TMEM132B: variants seen among roughly 807,000 people sequenced by gnomAD.
TMEM132B encodes the protein transmembrane protein 132B.
A neutral mutation model predicts 90.8 loss-of-function variants in TMEM132B; 18 were observed. That is an observed-to-expected ratio of 0.20 (90% CI 0.14 to 0.29). TMEM132B has a LOEUF of 0.29. Ranked by LOEUF, TMEM132B falls within the 10% of genes least tolerant of loss-of-function variation. The pLI is 1.00. For synonymous variants in TMEM132B, 504 were observed against 523.3 expected, an observed-to-expected ratio of 0.96 and a Z score of 0.50; for missense variants, 1,096 against 1,326.8, an observed-to-expected ratio of 0.83 and a Z score of 2.70.
At chr12:125,388,978 C>A (rs1878926051) in intron 2 of TMEM132B, among the ~76,000 whole-genome samples, 1 of 151,624 alleles carries the variant, frequency 6.6e-6, no homozygotes, top group African/African-American at 2.4e-5. Context: ...CAGCCTTTGT[C>A]TTTCTATTGC....
At chr12:125,386,547 A>G (rs1485707034) in intron 2 of TMEM132B, among the ~76,000 whole-genome samples, 1 of 152,124 alleles carries the variant, frequency 6.6e-6, no homozygotes, top group Non-Finnish European at 1.5e-5. Context: ...TTGCTTTTTC[A>G]CTGGGTTTGT....
chr12:125,526,998 C>T (rs1883483337), intron 4 of TMEM132B, among the ~76,000 whole-genome samples: 1 of 149,778 alleles, frequency 6.7e-6, no homozygotes, highest in Admixed American at 6.6e-5. Context: ...ACCCTTCTAT[C>T]CAATCATTTA....
chr12:125,566,883 G>A lies in TMEM132B; in HGVS notation c.1294-16968G>A, dbSNP rs145941009. The stretch of plus-strand genomic sequence containing the variant: ...TTTTTAGATGGAGTCTTGCACTGTC[G>A]CCCATGCTGGAGTGCAGTGGTGCGG... On this transcript the variant is annotated intron_variant, in intron 4 of 8. Coordinates refer to ENST00000682704, the MANE Select transcript of TMEM132B (RefSeq NM_001366854.1). Among the ~76,000 whole-genome samples the A allele has an allele frequency of 8.0e-3, 926 of 116,188 alleles. 8 individuals carry two copies. The highest frequency in any genetic ancestry group is 0.024 in the African/African-American group (691 of 29,126). 76.2% of individuals were successfully genotyped at this position (116,188 alleles called of 152,430 possible).
Position 125,407,269 on chromosome 12 carries a change from C to A in TMEM132B, c.960-8262C>A, listed in dbSNP as rs1418258564. On this transcript the variant is annotated intron_variant, in intron 2 of 8. Transcript: ENST00000682704. This position sits in a 1 kb window ranked among gnomAD's most constrained non-coding sequence, Gnocchi z 6.7. ...AAAGTTAGTTCTCAGGAGGTGAAGG[C>A]AAAGGCCAGACCTCTCTTCGGGCAA... Among the ~76,000 whole-genome samples, 4 of 152,240 alleles carry A rather than the reference C, an allele frequency of 2.6e-5. No individual in the cohort carries two copies. The highest frequency in any genetic ancestry group is 9.6e-5 in the African/African-American group (4 of 41,460).
At chr12:125,215,932 A>G (rs1873428621) in intron 1 of TMEM132B, among the ~76,000 whole-genome samples, 1 of 152,214 alleles carries the variant, frequency 6.6e-6, no homozygotes, top group Non-Finnish European at 1.5e-5. Flanking sequence ...CACAGTCTCT[A>G]TTGCCAGGAG....
At chr12:125,477,438 G>C (rs1466488608) in intron 3 of TMEM132B, among the ~76,000 whole-genome samples, 1 of 152,102 alleles carries the variant, frequency 6.6e-6, no homozygotes, top group Non-Finnish European at 1.5e-5. Context: ...TAATTCTGAA[G>C]AGTCCTTTAG....
At position 125,244,141 on chromosome 12, in the gene TMEM132B, G is replaced by A. The variant is rs138294132; in HGVS notation, c.67+57275G>A. Among the ~76,000 whole-genome samples, 1,342 of 152,252 alleles carry A rather than the reference G, an allele frequency of 8.8e-3. 20 individuals carry two copies. Among genetic ancestry groups the A allele is most frequent in the African/African-American group, 0.03 (1,240 of 41,544 alleles). ...ATATTCTATTGTATGAATATGCTGC[G>A]TTTTGTGTATTCGTCGGTTGATAGA... On this transcript the variant is annotated intron_variant, in intron 1 of 8. Coordinates refer to ENST00000682704, the MANE Select transcript of TMEM132B (RefSeq NM_001366854.1).
intron 6 of TMEM132B, among the ~76,000 whole-genome samples, chr12:125,648,991 G>A (rs1157818488): frequency 6.6e-6 from 1 of 152,124 alleles, no homozygotes; most frequent in Admixed American, 6.5e-5. Flanking sequence ...GACATTCCCT[G>A]TGACATATTC....
intron 2 of TMEM132B, among the ~76,000 whole-genome samples, chr12:125,385,179 G>T (rs1329341903): frequency 6.6e-6 from 1 of 152,112 alleles, no homozygotes; most frequent in Non-Finnish European, 1.5e-5. Flanking sequence ...AGGCAAGATT[G>T]TTTTCTTTGA....
At chr12:125,475,778 C>T (rs1029393248) in intron 3 of TMEM132B, among the ~76,000 whole-genome samples, 1 of 152,158 alleles carries the variant, frequency 6.6e-6, no homozygotes, top group African/African-American at 2.4e-5. Context: ...TATTAGTTCC[C>T]CTCTAAAGAA....
intron 5 of TMEM132B, among the ~76,000 whole-genome samples, chr12:125,633,430 T>A (rs1026604914): frequency 6.6e-6 from 1 of 152,194 alleles, no homozygotes; most frequent in African/African-American, 2.4e-5. Flanking sequence ...CTCTTGTGCT[T>A]TATTTAGTTT....
rs906851187 is a variant in TMEM132B, at chr12:125,277,886, G to T, written c.68-71566G>T. On this transcript the variant is annotated intron_variant, in intron 1 of 8. Coordinates refer to ENST00000682704, the MANE Select transcript of TMEM132B (RefSeq NM_001366854.1). The surrounding 1 kb of genome is among the most constrained non-coding windows in gnomAD (Gnocchi z 4.3). ...ATTTTTGGCATCTCTAGAAAAATCAGATCTATTCACAGAGGGCCAGCATTC... is the reference window on the plus strand; with the variant it reads ...ATTTTTGGCATCTCTAGAAAAATCATATCTATTCACAGAGGGCCAGCATTC... Among the ~76,000 whole-genome samples, 6 of 152,332 alleles carry T rather than the reference G, an allele frequency of 3.9e-5. No homozygotes were observed. Among genetic ancestry groups the T allele is most frequent in the South Asian group, 4.1e-4 (2 of 4,824 alleles).
intron 5 of TMEM132B, among the ~76,000 whole-genome samples, chr12:125,602,302 G>A (rs1454572200): frequency 6.6e-6 from 1 of 152,132 alleles, no homozygotes; most frequent in Non-Finnish European, 1.5e-5. Flanking sequence ...TGCAAGGCTG[G>A]TTCAACATAT....
intron 4 of TMEM132B, among the ~76,000 whole-genome samples, chr12:125,561,205 A>C (rs1884517979): frequency 6.6e-6 from 1 of 152,218 alleles, no homozygotes; most frequent in Admixed American, 6.5e-5. Flanking sequence ...AAAAAGGATG[A>C]GTTCATGTGC....
At chr12:125,245,156 C>T (rs748206301) in intron 1 of TMEM132B, among the ~76,000 whole-genome samples, 1 of 152,154 alleles carries the variant, frequency 6.6e-6, no homozygotes, top group Non-Finnish European at 1.5e-5. Context: ...GGTTTCCTCT[C>T]GTTTTATTGG....
chr12:125,554,341 C>T (rs544864854), intron 4 of TMEM132B, among the ~76,000 whole-genome samples: 26 of 137,546 alleles, frequency 1.9e-4, no homozygotes, highest in East Asian at 9.3e-4. Context: ...AGGAGAATGG[C>T]GTGAATCTGG....
At chr12:125,414,922 A>G (rs761010964) in intron 2 of TMEM132B, among the ~76,000 whole-genome samples, 71 of 152,290 alleles carry the variant, frequency 4.7e-4, no homozygotes, top group Non-Finnish European at 9.1e-4. Context: ...CCTTTTCTCA[A>G]TGGCAACACA....
chr12:125,256,737 C>CT (rs747797266), intron 1 of TMEM132B, among the ~76,000 whole-genome samples: 23 of 152,266 alleles, frequency 1.5e-4, no homozygotes, highest in South Asian at 6.2e-4. Context: ...ACCGCAATTA[C>CT]TTTTGCACCA....
At chr12:125,483,482 T>C (rs1882114223) in intron 3 of TMEM132B, among the ~76,000 whole-genome samples, 1 of 152,002 alleles carries the variant, frequency 6.6e-6, no homozygotes, top group Non-Finnish European at 1.5e-5. Context: ...AAAAGCAATT[T>C]GGTCTTGTTA....
Sources: allele counts gnomAD v4.1 joint callset (sites outside exome capture counted in the v4.1 genomes callset), GRCh38; gene constraint gnomAD v4.1.1; non-coding constraint Gnocchi (gnomAD v3.1); transcripts MANE v1.5; gene names NCBI Gene and HGNC (gene_info 2026-07-23, HGNC 2026-07-21).